Variants in SECISBP2L observed in about 807,000 individuals in gnomAD.
SECISBP2L encodes selenocysteine insertion sequence-binding protein 2-like.
A neutral mutation model predicts 114.7 loss-of-function variants in SECISBP2L; 43 were observed. The observed-to-expected ratio is 0.38, with a 90% CI of 0.29 to 0.48. The LOEUF is 0.48. Among genes scored for constraint, SECISBP2L ranks in the 20% least tolerant of loss-of-function variants. The probability of loss-of-function intolerance (pLI) is 0.98; values close to 1 mark genes in which losing one functional copy is unlikely to be tolerated. For synonymous variants in SECISBP2L, 451 were observed against 439.7 expected (o/e 1.03, Z -0.32); for missense variants, 1,136 against 1,301.1 (o/e 0.87, Z 1.95).
intron 4 of SECISBP2L, among the ~76,000 whole-genome samples, chr15:49,031,615 T>C (rs1902890664): frequency 6.6e-6 from 1 of 152,150 alleles, no homozygotes; most frequent in Non-Finnish European, 1.5e-5. Flanking sequence ...CGATCTCTGA[T>C]TGATACCAAT....
intron 14 of SECISBP2L, among the ~76,000 whole-genome samples, chr15:49,008,139 A>G (rs1215044467): frequency 6.6e-6 from 1 of 152,190 alleles, no homozygotes; most frequent in East Asian, 1.9e-4. Context: ...CTTAATAGGG[A>G]GAATTGGTGT....
At chr15:49,020,141 A>G (rs958930627) in intron 7 of SECISBP2L, among the ~76,000 whole-genome samples, 1 of 152,206 alleles carries the variant, frequency 6.6e-6, no homozygotes, top group Non-Finnish European at 1.5e-5. Context: ...TATCGAGGCC[A>G]ATATCTGGGT....
chr15:48,994,126 ACCT>A (rs1902043016), intron 17 of SECISBP2L, among the ~76,000 whole-genome samples: 1 of 151,456 alleles, frequency 6.6e-6, no homozygotes, highest in Admixed American at 6.6e-5. Flanking sequence ...AAAAAAAATC[ACCT>A]CCTCCTATAT....
At position 49,014,449 on chromosome 15, in the gene SECISBP2L, A is replaced by G. The variant is rs548032629; in HGVS notation, c.1562-1632T>C. On this transcript the variant is annotated intron_variant, in intron 11 of 17. Coordinates refer to ENST00000559471, the MANE Select transcript of SECISBP2L (RefSeq NM_001193489.2). Reference sequence around the variant, plus strand: ...GACTTGTAACCTAAACTATACATTCATAACTATATGCTAAATAGGAACCAC... The same window carrying G: ...GACTTGTAACCTAAACTATACATTCGTAACTATATGCTAAATAGGAACCAC... 3.9e-4 allele frequency among the ~76,000 whole-genome samples: 60 copies of G among 152,312 alleles called. 1 individual carries two copies. The highest frequency in any genetic ancestry group is 1.4e-3 in the African/African-American group (57 of 41,572).
In SECISBP2L at chr15:48,990,068, A is replaced by G. The variant is rs756236926; in HGVS notation, c.*2176T>C. The G allele has an allele frequency of 6.6e-6, 1 of 152,668 alleles. No individual in the cohort carries two copies. Among genetic ancestry groups the G allele is most frequent in the South Asian group, 2.1e-4 (1 of 4,832 alleles). The allele number at this position is 152,668 out of a possible 1,614,324, so 9.5% of individuals were successfully genotyped here. On this transcript the variant is annotated 3_prime_UTR_variant, in exon 18 of 18. Coordinates refer to ENST00000559471, the MANE Select transcript of SECISBP2L (RefSeq NM_001193489.2). ...TGCGAGAGCATTTACCGAACATATA[A>G]ATAAACACTTCTGAAGTCTATAGCA...
rs1424762318 is a variant in SECISBP2L, at chr15:48,999,276, C to T, written c.2403+557G>A. 4.6e-5 allele frequency among the ~76,000 whole-genome samples: 7 copies of T among 152,136 alleles called. No individual in the cohort carries two copies. In the East Asian group the frequency reaches 9.6e-4, roughly 21 times the overall value. On this transcript the variant is annotated intron_variant, in intron 16 of 17. Transcript: ENST00000559471. ...CTTTGTTAAAAAACAGTCTTAAACA[C>T]TACAGTTGATGAGCATTACTCTAAA... is the stretch of plus-strand genomic sequence containing the variant.
intron 14 of SECISBP2L, among the ~76,000 whole-genome samples, chr15:49,002,416 C>T (rs535577347): frequency 2.0e-5 from 3 of 152,246 alleles, no homozygotes; most frequent in South Asian, 2.1e-4. Context: ...TTCACTCTGA[C>T]GATAGTTTCT....
rs1427295085 is a variant in SECISBP2L at position 48,992,621 on chromosome 15, T to C, written c.2929A>G (p.Thr977Ala). Residue 977 changes from threonine (T) to alanine (A), a missense_variant, in exon 18 of 18, where the codon ACC becomes GCC. Thr to Ala is a moderately conservative substitution (Grantham distance 58). Transcript: ENST00000559471. ...GGTACAAGAGTGCTGGTGGTGCTGG[T>C]GATGGAGGAATTCAAAAGATCTCGG... The part of the protein sequence containing the change: ...SCRDLLNSSI[T>A]STTSTLVPGM... The C allele has an allele frequency of 6.2e-7, 1 of 1,614,030 alleles. No homozygotes were observed. The highest frequency in any genetic ancestry group is 8.5e-7 in the Non-Finnish European group (1 of 1,180,060).
At chr15:49,012,482 C>T (rs1010389894) in intron 12 of SECISBP2L, among the ~76,000 whole-genome samples, 166 bp downstream of exon 12, 3 of 152,156 alleles carry the variant, frequency 2.0e-5, no homozygotes, top group Admixed American at 6.5e-5. Context: ...AGTCATGATA[C>T]TGATGATATC....
rs528562065 is a variant in SECISBP2L, at chr15:49,039,190, GAT to G, written c.25-1423_25-1422del. 2.1e-3 allele frequency among the ~76,000 whole-genome samples: 320 copies of G among 152,236 alleles called. 2 individuals are homozygous for G. Among genetic ancestry groups the G allele is most frequent in the Admixed American group, 3.3e-3 (50 of 15,294 alleles). Reference sequence around the variant, plus strand: ...TGTACTATTAACCAAATCAGAAGTAGATATACTATAATAATAATACAAATATT... The same window carrying G: ...TGTACTATTAACCAAATCAGAAGTAGATACTATAATAATAATACAAATATT... On this transcript the variant is annotated intron_variant, in intron 1 of 17. Transcript: ENST00000559471.
intron 7 of SECISBP2L, among the ~76,000 whole-genome samples, chr15:49,025,663 A>G (rs1457073197): frequency 2.6e-5 from 4 of 152,210 alleles, no homozygotes; most frequent in Non-Finnish European, 1.5e-5. Context: ...AGGGAAATGC[A>G]TATCAAAACC....
At chr15:49,034,413 T>C (rs757439184) in intron 3 of SECISBP2L, among the ~76,000 whole-genome samples, 33 of 151,864 alleles carry the variant, frequency 2.2e-4, no homozygotes, top group Admixed American at 5.9e-4. Flanking sequence ...AAAGCCTTCA[T>C]TTCTTTCTTT....
chr15:49,011,895 G>A lies in SECISBP2L; in HGVS notation c.1732-32C>T, dbSNP rs539016728. 10 of 1,606,502 alleles carry A rather than the reference G, an allele frequency of 6.2e-6. 1 individual carries two copies. The South Asian group carries it at 6.6e-5, about 11-fold the overall frequency. Reference sequence around the variant, plus strand: ...GTCATTACACTAGTCTTTAATTACAGATTACTCTTCAACTGTGTACAAATG... The same window carrying A: ...GTCATTACACTAGTCTTTAATTACAAATTACTCTTCAACTGTGTACAAATG... On this transcript the variant is annotated intron_variant, in intron 12 of 17. Transcript: ENST00000559471.
intron 4 of SECISBP2L, among the ~76,000 whole-genome samples, chr15:49,031,100 G>C (rs1368416811): frequency 3.7e-5 from 5 of 136,360 alleles, no homozygotes; most frequent in African/African-American, 8.4e-5. Flanking sequence ...CCAGGCTGGA[G>C]TGCAGTGATG....
chr15:49,038,006 T>G (rs1473436592), intron 1 of SECISBP2L, among the ~76,000 whole-genome samples: 1 of 152,140 alleles, frequency 6.6e-6, no homozygotes, highest in African/African-American at 2.4e-5. Context: ...TTCAATGTAA[T>G]TAAAGCTGTT....
chr15:49,023,928 A>C (rs1902690320), intron 7 of SECISBP2L, among the ~76,000 whole-genome samples: 1 of 152,234 alleles, frequency 6.6e-6, no homozygotes, highest in Non-Finnish European at 1.5e-5. Context: ...GGAGAAGCAG[A>C]GGTGAAATGA....
Position 49,009,160 on chromosome 15 carries a change from G to C in SECISBP2L, c.2027+56C>G. 13 of 1,549,432 alleles carry C rather than the reference G, an allele frequency of 8.4e-6. No homozygotes were observed. In the South Asian group the frequency reaches 1.5e-4, roughly 18 times the overall value. The stretch of plus-strand genomic sequence containing the variant: ...AGTAACAATGACAATACTAAATTCA[G>C]AACTACAATCAAGATCCTTAAACTA... On this transcript the variant is annotated intron_variant, in intron 14 of 17. Coordinates refer to ENST00000559471, the MANE Select transcript of SECISBP2L (RefSeq NM_001193489.2).
intron 17 of SECISBP2L, among the ~76,000 whole-genome samples, chr15:48,994,105 C>T (rs777243020): frequency 9.2e-5 from 14 of 151,542 alleles, no homozygotes; most frequent in Non-Finnish European, 1.6e-4. Context: ...GTCATTTCTA[C>T]CTTATGAAAA....
intron 2 of SECISBP2L, among the ~76,000 whole-genome samples, chr15:49,036,595 C>T (rs565393311): frequency 2.7e-4 from 41 of 152,286 alleles, no homozygotes; most frequent in Non-Finnish European, 4.4e-4. Flanking sequence ...TTTCATGAAT[C>T]AGTTTGCACA....
Sources: allele counts gnomAD v4.1 joint callset (sites outside exome capture counted in the v4.1 genomes callset), GRCh38; gene constraint gnomAD v4.1.1; transcripts MANE v1.5; gene names NCBI Gene and HGNC (gene_info 2026-07-23, HGNC 2026-07-21).